CLEC16A: variants seen among roughly 807,000 people sequenced by gnomAD.
The protein encoded by CLEC16A is protein CLEC16A.
Under a neutral mutation model 109.5 loss-of-function variants are expected in CLEC16A, and 51 were observed. The observed-to-expected ratio is 0.47, with a 90% CI of 0.37 to 0.59. The LOEUF (loss-of-function observed/expected upper bound fraction) is 0.59, where lower values mean the gene tolerates loss of function less well. CLEC16A is among the 20% of genes least tolerant of loss of function. The pLI is 0.00. For missense variants in CLEC16A, 1,339 were observed against 1,394.0 expected (o/e 0.96, Z 0.63); for synonymous variants, 673 against 564.2 (o/e 1.19, Z -2.73).
intron 10 of CLEC16A, among the ~76,000 whole-genome samples, chr16:10,984,640 G>A (rs17803907): frequency 0.027 from 4,067 of 152,276 alleles, 80 homozygotes; most frequent in South Asian, 0.046. Context: ...TTTCCTAGTG[G>A]TCCATCTCAT....
At chr16:11,033,333 T>C (rs1019491253) in intron 13 of CLEC16A, among the ~76,000 whole-genome samples, 2 of 152,098 alleles carry the variant, frequency 1.3e-5, no homozygotes, top group Admixed American at 1.3e-4. Context: ...AAGGCTCAGG[T>C]TCCTGACTCC....
intron 11 of CLEC16A, among the ~76,000 whole-genome samples, chr16:11,018,295 A>G (rs1380394528): frequency 2.0e-5 from 3 of 151,824 alleles, no homozygotes; most frequent in Non-Finnish European, 2.9e-5. Flanking sequence ...AAAAGAAAAA[A>G]AAAAAAAAAA....
chr16:11,023,904 C>A (rs567700703), intron 12 of CLEC16A, among the ~76,000 whole-genome samples: 1 of 152,324 alleles, frequency 6.6e-6, no homozygotes, highest in Non-Finnish European at 1.5e-5. Flanking sequence ...TGGGCCAGAC[C>A]TGTGCATATT....
intron 11 of CLEC16A, among the ~76,000 whole-genome samples, chr16:11,005,128 T>C (rs2044918635): frequency 6.6e-6 from 1 of 152,212 alleles, no homozygotes; most frequent in Non-Finnish European, 1.5e-5. Context: ...TTAAGGATGC[T>C]CTCTAACCAG....
chr16:10,969,956 G>T (rs1245543046), intron 4 of CLEC16A, among the ~76,000 whole-genome samples: 2 of 152,200 alleles, frequency 1.3e-5, no homozygotes, highest in African/African-American at 4.8e-5. Flanking sequence ...TAAAAGCATA[G>T]ACGTTGCTAT....
At chr16:11,010,553 T>C (rs2045338155) in intron 11 of CLEC16A, among the ~76,000 whole-genome samples, 1 of 152,182 alleles carries the variant, frequency 6.6e-6, no homozygotes, top group Admixed American at 6.5e-5. Context: ...TTTCTCTGTC[T>C]GCACACCCGC....
chr16:11,092,296 A>T (rs2050346464), intron 19 of CLEC16A, among the ~76,000 whole-genome samples: 1 of 151,904 alleles, frequency 6.6e-6, no homozygotes, highest in East Asian at 1.9e-4. Context: ...GTGAGCCAAG[A>T]TCACACCACT....
chr16:11,036,544 C>CTTTTTTTT (rs71404440), intron 13 of CLEC16A, among the ~76,000 whole-genome samples: 2 of 131,902 alleles, frequency 1.5e-5, no homozygotes, highest in African/African-American at 2.9e-5. Flanking sequence ...TCTAATTTTC[C>CTTTTTTTT]TTTTTTTTTT....
At chr16:11,027,395 C>G in intron 13 of CLEC16A, 2 of 1,411,524 alleles carry the variant, frequency 1.4e-6, no homozygotes, top group African/African-American at 1.4e-5. Flanking sequence ...TAAAAGTCAC[C>G]CCCCAGAATC....
intron 9 of CLEC16A, among the ~76,000 whole-genome samples, chr16:10,981,248 T>G (rs1481195695): frequency 6.6e-6 from 1 of 152,216 alleles, no homozygotes; most frequent in Non-Finnish European, 1.5e-5. Context: ...AACGGATATT[T>G]GAGAATGAAT....
intron 10 of CLEC16A, among the ~76,000 whole-genome samples, chr16:10,984,863 G>A (rs2043531757): frequency 6.6e-6 from 1 of 152,186 alleles, no homozygotes; most frequent in South Asian, 2.1e-4. Flanking sequence ...TAGAAAACAG[G>A]CAGCGCAAGC....
chr16:11,165,738 G>A (rs989963208), intron 22 of CLEC16A, among the ~76,000 whole-genome samples: 2 of 152,146 alleles, frequency 1.3e-5, no homozygotes, highest in Non-Finnish European at 2.9e-5. Flanking sequence ...GTTCATCCCC[G>A]CTGGGTCAGT....
At chr16:11,067,382 G>C (rs1200217313) in intron 19 of CLEC16A, among the ~76,000 whole-genome samples, 2 of 151,984 alleles carry the variant, frequency 1.3e-5, no homozygotes, top group African/African-American at 4.8e-5. Flanking sequence ...AGGTCAGGGA[G>C]GCTTCTGAAG....
intron 11 of CLEC16A, among the ~76,000 whole-genome samples, chr16:11,016,814 A>G (rs2045781636): frequency 1.3e-5 from 2 of 152,216 alleles, no homozygotes; most frequent in African/African-American, 4.8e-5. Context: ...AAATAAGTAC[A>G]AAACTATGCA....
chr16:11,063,252 G>A (rs2048582782), intron 19 of CLEC16A, among the ~76,000 whole-genome samples: 2 of 143,182 alleles, frequency 1.4e-5, no homozygotes, highest in Admixed American at 1.4e-4. Flanking sequence ...TGTATTGTTG[G>A]TTTATTTGGT....
intron 19 of CLEC16A, among the ~76,000 whole-genome samples, chr16:11,115,728 A>G (rs1459252510): frequency 1.3e-5 from 2 of 152,192 alleles, no homozygotes; most frequent in African/African-American, 2.4e-5. Flanking sequence ...GAAAATGTTT[A>G]TAAGAATGAA....
At chr16:11,093,057 A>C (rs2050402968) in intron 19 of CLEC16A, among the ~76,000 whole-genome samples, 1 of 152,158 alleles carries the variant, frequency 6.6e-6, no homozygotes, top group Non-Finnish European at 1.5e-5. Context: ...GACCCATCTC[A>C]GGGATCTCCT....
chr16:10,971,218 A>G lies in CLEC16A; in HGVS notation c.586A>G (p.Asn196Asp). The G allele has an allele frequency of 3.1e-6, 5 of 1,611,414 alleles. No individual in the cohort carries two copies. Among genetic ancestry groups the G allele is most frequent in the Non-Finnish European group, 4.2e-6 (5 of 1,177,888 alleles). Reference protein sequence around the residue: ...VRIAVRTITLNVYKVSLDNQA... With the variant: ...VRIAVRTITLDVYKVSLDNQA... ...AATTGCTGTAAGAACCATAACTTTG[A>G]ATGTCTATAAAGGTAAGTGTCCTCA... is the stretch of plus-strand genomic sequence containing the variant. Residue 196 changes from asparagine to aspartate, a missense_variant, in exon 5 of 24, where the codon AAT becomes GAT. Asn to Asp is a conservative substitution (Grantham distance 23). Transcript: ENST00000409790.
intron 21 of CLEC16A, among the ~76,000 whole-genome samples, chr16:11,124,167 A>G (rs1324458260): frequency 6.6e-6 from 1 of 152,258 alleles, no homozygotes; most frequent in East Asian, 1.9e-4. Flanking sequence ...TCTCCCTAGC[A>G]GGCAGGAGGC....
Sources: allele counts gnomAD v4.1 joint callset (sites outside exome capture counted in the v4.1 genomes callset), GRCh38; gene constraint gnomAD v4.1.1; transcripts MANE v1.5; gene names NCBI Gene and HGNC (gene_info 2026-07-23, HGNC 2026-07-21).